The following ARID4B variants were observed in gnomAD, a reference collection of about 807,000 sequenced individuals.
The protein encoded by ARID4B is AT-rich interactive domain-containing protein 4B.
Under a neutral mutation model 147.5 loss-of-function variants are expected in ARID4B, and 26 were observed. That is an observed-to-expected ratio of 0.18 (90% CI 0.13 to 0.24). The LOEUF is 0.24. Among genes scored for constraint, ARID4B ranks in the 10% least tolerant of loss-of-function variants. The pLI is 1.00. For missense variants in ARID4B, 1,179 were observed against 1,511.5 expected, an observed-to-expected ratio of 0.78 and a Z score of 3.65; for synonymous variants, 512 against 507.9, an observed-to-expected ratio of 1.01 and a Z score of -0.11.
chr1:235,283,048 T>C (rs954438544), intron 2 of ARID4B, among the ~76,000 whole-genome samples: 10 of 152,222 alleles, frequency 6.6e-5, no homozygotes, highest in African/African-American at 2.4e-4. Context: ...AGTGCTGGGA[T>C]TACAGGCGTG....
intron 19 of ARID4B, among the ~76,000 whole-genome samples, chr1:235,185,160 T>G (rs889668056): frequency 3.3e-5 from 5 of 152,288 alleles, no homozygotes; most frequent in African/African-American, 1.2e-4. Context: ...GCAATGGGGA[T>G]TCTTACTTAT....
At chr1:235,225,234 G>C (rs560161933) in intron 11 of ARID4B, among the ~76,000 whole-genome samples, 1 of 152,140 alleles carries the variant, frequency 6.6e-6, no homozygotes, top group Admixed American at 6.5e-5. Flanking sequence ...TTAGCTGACT[G>C]CAAGTATCCT....
rs192257379 is a variant in ARID4B at position 235,187,412 on chromosome 1, C to T, written c.2126-4619G>A. Among the ~76,000 whole-genome samples the T allele has an allele frequency of 5.8e-4, 89 of 152,282 alleles. No homozygotes were observed. The South Asian group carries it at 0.011, about 19-fold the overall frequency. ...TCTTGTTTTATAGATACTGTAGGTT[C>T]TCTGAGATTAACAAGAGATGATTAA... On this transcript the variant is annotated intron_variant, in intron 19 of 23. Transcript: ENST00000264183.
At chr1:235,239,530 T>C (rs537456242) in intron 8 of ARID4B, among the ~76,000 whole-genome samples, 1 of 152,356 alleles carries the variant, frequency 6.6e-6, no homozygotes, top group African/African-American at 2.4e-5. Context: ...TATTAGTATA[T>C]GTTCCCTTTC....
chr1:235,282,192 T>C (rs1671708413), intron 2 of ARID4B, among the ~76,000 whole-genome samples: 1 of 152,390 alleles, frequency 6.6e-6, no homozygotes, highest in South Asian at 2.1e-4. Context: ...TGCTCATCCC[T>C]TAGCCCTGTG....
At chr1:235,169,550 T>G (rs887921747) in intron 23 of ARID4B, among the ~76,000 whole-genome samples, 8 of 146,822 alleles carry the variant, frequency 5.4e-5, no homozygotes, top group African/African-American at 2.0e-4. Context: ...CTGTTTGTTT[T>G]TTTGAGACGG....
At chr1:235,213,361 TAAATCCCTGACTACAGAAGGAAAG>T (rs1161986636) in intron 17 of ARID4B, among the ~76,000 whole-genome samples, 3 of 152,204 alleles carry the variant, frequency 2.0e-5, no homozygotes, top group African/African-American at 7.2e-5. Flanking sequence ...CCTAGGATTT[TAAATCCCTGACTACAGAAGGAAAG>T]AAATGACTTC....
chr1:235,183,699 G>A (rs900248121), intron 19 of ARID4B, among the ~76,000 whole-genome samples: 10 of 151,700 alleles, frequency 6.6e-5, no homozygotes, highest in African/African-American at 2.2e-4. Context: ...ACTGCACCTG[G>A]CCTCTCATTT....
chr1:235,320,468 G>C (rs1049628036), intron 2 of ARID4B, among the ~76,000 whole-genome samples: 2 of 152,136 alleles, frequency 1.3e-5, no homozygotes, highest in Non-Finnish European at 2.9e-5. Context: ...CCCAGGACTA[G>C]CTTGACAGCC....
At position 235,255,263 on chromosome 1, in the gene ARID4B, A is replaced by C. The variant is rs370160018; in HGVS notation, c.274+397T>G. On this transcript the variant is annotated intron_variant, in intron 5 of 23. Transcript: ENST00000264183. Reference sequence around the variant, plus strand: ...GATAGATAGATAGATAGATAGATAGATATATATCTCTCTCTCTCTCTCTCT... The same window carrying C: ...GATAGATAGATAGATAGATAGATAGCTATATATCTCTCTCTCTCTCTCTCT... Among the ~76,000 whole-genome samples the C allele has an allele frequency of 1.6e-3, 143 of 90,828 alleles. 1 individual carries two copies. The South Asian group carries it at 0.017, about 11-fold the overall frequency. The allele number at this position is 90,828 out of a possible 152,430, so 59.6% of individuals were successfully genotyped here. A position where few individuals can be genotyped will look rare whatever the true frequency, so the allele number is the denominator to read the frequency against.
intron 21 of ARID4B, among the ~76,000 whole-genome samples, chr1:235,176,065 G>A (rs1029581901): frequency 1.3e-5 from 2 of 152,134 alleles, no homozygotes; most frequent in African/African-American, 2.4e-5. Flanking sequence ...CTTACCATGT[G>A]AACAGGTAGG....
intron 17 of ARID4B, among the ~76,000 whole-genome samples, chr1:235,203,334 A>G (rs10925096): frequency 9.6e-4 from 146 of 152,344 alleles, no homozygotes; most frequent in African/African-American, 3.3e-3. Flanking sequence ...GCCCACATCA[A>G]TTCAGCTTTT....
intron 2 of ARID4B, among the ~76,000 whole-genome samples, chr1:235,285,851 A>G (rs1254144751): frequency 6.6e-6 from 1 of 152,250 alleles, no homozygotes; most frequent in African/African-American, 2.4e-5. Flanking sequence ...AAATTACTAA[A>G]TATTTAGAGA....
At chr1:235,278,005 C>A (rs1410452555) in intron 2 of ARID4B, among the ~76,000 whole-genome samples, 4 of 152,088 alleles carry the variant, frequency 2.6e-5, no homozygotes, top group Admixed American at 2.0e-4. Flanking sequence ...ATTCCCCTAT[C>A]CCACTGCACA....
intron 3 of ARID4B, among the ~76,000 whole-genome samples, chr1:235,258,281 GA>G (rs1670104930): frequency 6.6e-6 from 1 of 152,104 alleles, no homozygotes; most frequent in Non-Finnish European, 1.5e-5. Context: ...GCAGTGAGCC[GA>G]GATTGCGTCA....
At chr1:235,250,125 T>A (rs2103092201) in intron 6 of ARID4B, among the ~76,000 whole-genome samples, 1 of 151,516 alleles carries the variant, frequency 6.6e-6, no homozygotes, top group African/African-American at 2.4e-5. Flanking sequence ...ATAATAATAA[T>A]AATAAAATAA....
intron 22 of ARID4B, among the ~76,000 whole-genome samples, chr1:235,173,306 TGCAC>T (rs1663504127): frequency 6.6e-6 from 1 of 152,188 alleles, no homozygotes; most frequent in Non-Finnish European, 1.5e-5. Context: ...ATTGTGCCAC[TGCAC>T]GCTAGCCTGG....
At chr1:235,229,594 G>C (rs777345644) in intron 10 of ARID4B, among the ~76,000 whole-genome samples, 4 of 152,176 alleles carry the variant, frequency 2.6e-5, no homozygotes, top group Admixed American at 6.5e-5. Flanking sequence ...TCATTTTATA[G>C]ATGGCAAAAC....
At chr1:235,216,797 ATT>A (rs34202776) in intron 16 of ARID4B, among the ~76,000 whole-genome samples, 1 of 151,558 alleles carries the variant, frequency 6.6e-6, no homozygotes. Flanking sequence ...AATTAAAACA[ATT>A]TTTTTTTGAA....
Sources: gnomAD v4.1 joint callset for allele counts (sites outside exome capture counted in the v4.1 genomes callset) on GRCh38, gnomAD v4.1.1 for gene constraint, MANE v1.5 for transcripts, NCBI Gene and HGNC (gene_info 2026-07-23, HGNC 2026-07-21) for gene names.